DLGAP1: variants seen among roughly 807,000 people sequenced by gnomAD.
DLGAP1 encodes DLG associated protein 1.
DLGAP1 carries 11 observed loss-of-function variants against 90.8 expected under a neutral mutation model. The ratio of observed to expected loss-of-function variants is 0.12; its 90% CI spans 0.08 to 0.20. The LOEUF (loss-of-function observed/expected upper bound fraction) is 0.20, where lower values mean the gene tolerates loss of function less well. Among genes scored for constraint, DLGAP1 ranks in the 10% least tolerant of loss-of-function variants. The probability of loss-of-function intolerance (pLI) is 1.00; values close to 1 mark genes in which losing one functional copy is unlikely to be tolerated. For missense variants in DLGAP1, 1,050 were observed against 1,333.8 expected (o/e 0.79, Z 3.31); for synonymous variants, 558 against 540.7 (o/e 1.03, Z -0.44).
At chr18:3,724,196 CA>C (rs1403716151) in intron 7 of DLGAP1, among the ~76,000 whole-genome samples, 1 of 151,930 alleles carries the variant, frequency 6.6e-6, no homozygotes, top group African/African-American at 2.4e-5. Flanking sequence ...TAGCCGGGCA[CA>C]GTGGCATGTG....
chr18:3,710,725 T>A (rs945726094), intron 7 of DLGAP1, among the ~76,000 whole-genome samples: 18 of 152,148 alleles, frequency 1.2e-4, no homozygotes, highest in African/African-American at 4.1e-4. Flanking sequence ...GAAGAAAAAG[T>A]AAGCATTGCA....
At chr18:4,005,765 G>C (rs1032416398) in intron 2 of DLGAP1, among the ~76,000 whole-genome samples, 2 of 152,194 alleles carry the variant, frequency 1.3e-5, no homozygotes, top group African/African-American at 4.8e-5. Flanking sequence ...GTCTCAGGGA[G>C]CCTAAAAGCT....
At chr18:3,617,964 G>A (rs995438119) in intron 7 of DLGAP1, among the ~76,000 whole-genome samples, 1 of 152,152 alleles carries the variant, frequency 6.6e-6, no homozygotes, top group Non-Finnish European at 1.5e-5. Context: ...TTGAACCCGG[G>A]AGGCGGAGGT....
intron 1 of DLGAP1, among the ~76,000 whole-genome samples, chr18:4,204,859 G>A (rs2077688149): frequency 1.4e-5 from 2 of 147,168 alleles, no homozygotes; most frequent in East Asian, 2.1e-4. Context: ...GGTGGTAACT[G>A]AGGTGAGCCT....
chr18:4,413,065 T>G (rs1249934143), intron 1 of DLGAP1, among the ~76,000 whole-genome samples: 1 of 152,160 alleles, frequency 6.6e-6, no homozygotes, highest in Non-Finnish European at 1.5e-5. Flanking sequence ...CCTGCCCAAC[T>G]GTGATGGAGT....
chr18:3,927,999 G>T (rs952105280), intron 3 of DLGAP1, among the ~76,000 whole-genome samples: 3 of 152,288 alleles, frequency 2.0e-5, no homozygotes, highest in Admixed American at 6.5e-5. Context: ...AGACTTACCT[G>T]CTGGGGAATT....
At chr18:3,547,625 G>A (rs972710251) in intron 9 of DLGAP1, among the ~76,000 whole-genome samples, 1 of 152,064 alleles carries the variant, frequency 6.6e-6, no homozygotes, top group Non-Finnish European at 1.5e-5. Flanking sequence ...GAAAGTAAGT[G>A]TTGGCCAGTT....
chr18:3,963,817 A>G (rs997704063), intron 3 of DLGAP1, among the ~76,000 whole-genome samples: 1 of 152,134 alleles, frequency 6.6e-6, no homozygotes, highest in African/African-American at 2.4e-5. Flanking sequence ...TGTGACAGCC[A>G]CTGGCCACAT....
chr18:3,692,532 G>A (rs1183899402), intron 7 of DLGAP1, among the ~76,000 whole-genome samples: 3 of 152,182 alleles, frequency 2.0e-5, no homozygotes, highest in Admixed American at 2.0e-4. Flanking sequence ...CTTCAAGGTT[G>A]TTCAATACCT....
Position 4,269,037 on chromosome 18 carries a change from T to C in DLGAP1, c.-266-117750A>G, listed in dbSNP as rs1270271902. On this transcript the variant is annotated intron_variant, in intron 1 of 12. Transcript: ENST00000315677. ...AGCCAAAATGTAAATGTCAGATTGA[T>C]GGATTATTAAAAATTGGCAAATCAG... 2.6e-5 allele frequency among the ~76,000 whole-genome samples: 4 copies of C among 152,062 alleles called. No homozygotes were observed. In the South Asian group the frequency reaches 8.3e-4, roughly 31 times the overall value.
chr18:4,043,868 G>A (rs4797136), intron 2 of DLGAP1, among the ~76,000 whole-genome samples: 151,791 of 152,332 alleles, frequency 1, 75,629 homozygotes, highest in Middle Eastern at 1. Context: ...GTGTTGAGAT[G>A]CTATCATTTT....
At chr18:4,122,046 C>T (rs939675345) in intron 2 of DLGAP1, among the ~76,000 whole-genome samples, 2 of 152,256 alleles carry the variant, frequency 1.3e-5, no homozygotes, top group Admixed American at 6.5e-5. Flanking sequence ...AAATACTATG[C>T]TTTAGTATTA....
intron 7 of DLGAP1, among the ~76,000 whole-genome samples, chr18:3,617,001 T>G (rs867832380): frequency 6.6e-6 from 1 of 152,054 alleles, no homozygotes; most frequent in African/African-American, 2.4e-5. Context: ...AAAGACCACC[T>G]GAAAAGCCTT....
intron 10 of DLGAP1, among the ~76,000 whole-genome samples, chr18:3,531,517 C>T (rs2052005187): frequency 2.0e-5 from 3 of 152,126 alleles, no homozygotes. Context: ...GAGTCTCACT[C>T]TGTCACCCAG....
At chr18:4,129,170 G>C (rs1306424159) in intron 2 of DLGAP1, among the ~76,000 whole-genome samples, 2 of 152,156 alleles carry the variant, frequency 1.3e-5, no homozygotes, top group Admixed American at 6.5e-5. Context: ...AGTGCTCACT[G>C]CATGAAGCAC....
At chr18:4,397,505 A>G (rs1220341282) in intron 1 of DLGAP1, among the ~76,000 whole-genome samples, 1 of 152,212 alleles carries the variant, frequency 6.6e-6, no homozygotes, top group Non-Finnish European at 1.5e-5. Context: ...TCCACTTGAA[A>G]TTATCAGCAT....
intron 1 of DLGAP1, among the ~76,000 whole-genome samples, chr18:4,354,037 AC>A (rs2144014101): frequency 6.6e-6 from 1 of 152,294 alleles, no homozygotes; most frequent in Admixed American, 6.5e-5. Flanking sequence ...GGCTGTTGTT[AC>A]CGCCATCGAC....
chr18:3,555,900 G>A (rs1325158865), intron 9 of DLGAP1, among the ~76,000 whole-genome samples: 1 of 152,134 alleles, frequency 6.6e-6, no homozygotes, highest in Non-Finnish European at 1.5e-5. Context: ...TAAAGTAAAG[G>A]AGACGACTTT....
chr18:4,039,985 G>T (rs962961368), intron 2 of DLGAP1, among the ~76,000 whole-genome samples: 1 of 152,088 alleles, frequency 6.6e-6, no homozygotes, highest in African/African-American at 2.4e-5. Flanking sequence ...GCCTTCCTTC[G>T]CTTTAATTCC....
Sources: gnomAD v4.1 joint callset for allele counts (sites outside exome capture counted in the v4.1 genomes callset) on GRCh38, gnomAD v4.1.1 for gene constraint, MANE v1.5 for transcripts, NCBI Gene and HGNC (gene_info 2026-07-23, HGNC 2026-07-21) for gene names.